The following KIF6 variants were observed in gnomAD, a reference collection of about 807,000 sequenced individuals.
The protein encoded by KIF6 is kinesin-like protein KIF6.
KIF6 carries 106 observed loss-of-function variants against 112.7 expected under a neutral mutation model. That is an observed-to-expected ratio of 0.94 (90% CI 0.80 to 1.11). KIF6 has a LOEUF of 1.11. Ranked by LOEUF, KIF6 falls within the 50% of genes least tolerant of loss-of-function variation. The pLI is 0.00. For synonymous variants in KIF6, 339 were observed against 339.9 expected (o/e 1.00, Z 0.03); for missense variants, 929 against 964.0 (o/e 0.96, Z 0.48).
At chr6:39,416,902 A>T (rs929324488) in intron 15 of KIF6, among the ~76,000 whole-genome samples, 1 of 152,118 alleles carries the variant, frequency 6.6e-6, no homozygotes, top group Non-Finnish European at 1.5e-5. Context: ...ACCCCTCGGC[A>T]TCTCAATCTT....
intron 1 of KIF6, among the ~76,000 whole-genome samples, chr6:39,721,060 C>T (rs532610981): frequency 9.9e-5 from 15 of 152,216 alleles, no homozygotes; most frequent in African/African-American, 3.6e-4. Flanking sequence ...ATCTAACATT[C>T]AAATATAAGT....
At chr6:39,474,640 T>G (rs936310071) in intron 13 of KIF6, among the ~76,000 whole-genome samples, 5 of 152,284 alleles carry the variant, frequency 3.3e-5, no homozygotes, top group Non-Finnish European at 7.3e-5. Context: ...CAGCTTCTCC[T>G]GTGAAGGAGC....
At chr6:39,539,287 C>T (rs1413570607) in intron 13 of KIF6, among the ~76,000 whole-genome samples, 1 of 151,580 alleles carries the variant, frequency 6.6e-6, no homozygotes, top group Non-Finnish European at 1.5e-5. Flanking sequence ...CCAACCCTGC[C>T]AAATGCTATT....
chr6:39,429,169 C>T (rs1303370109), intron 14 of KIF6, among the ~76,000 whole-genome samples: 1 of 152,230 alleles, frequency 6.6e-6, no homozygotes, highest in Non-Finnish European at 1.5e-5. Flanking sequence ...GGATGATAGT[C>T]TAGGCTGGGC....
At chr6:39,723,921 G>T (rs1246243004) in intron 1 of KIF6, among the ~76,000 whole-genome samples, 2 of 149,616 alleles carry the variant, frequency 1.3e-5, no homozygotes, top group Non-Finnish European at 3.0e-5. Flanking sequence ...TTCTAAAATT[G>T]AAAAAAAAAA....
At chr6:39,394,216 T>C (rs1022725139) in intron 15 of KIF6, among the ~76,000 whole-genome samples, 1 of 152,156 alleles carries the variant, frequency 6.6e-6, no homozygotes, top group African/African-American at 2.4e-5. Context: ...TGTACTTTAA[T>C]AAAGGCGCAT....
chr6:39,664,865 C>A (rs1786373816), intron 3 of KIF6, among the ~76,000 whole-genome samples: 1 of 152,066 alleles, frequency 6.6e-6, no homozygotes, highest in African/African-American at 2.4e-5. Context: ...TTTAAATATT[C>A]TCTAAAAGAT....
At chr6:39,413,124 T>C (rs1161541182) in intron 15 of KIF6, among the ~76,000 whole-genome samples, 5 of 152,184 alleles carry the variant, frequency 3.3e-5, no homozygotes, top group African/African-American at 1.2e-4. Context: ...TCAGTCTTAA[T>C]TTTCCTATAA....
intron 13 of KIF6, among the ~76,000 whole-genome samples, chr6:39,507,698 T>A (rs865938851): frequency 1.6e-5 from 2 of 121,668 alleles, no homozygotes; most frequent in Non-Finnish European, 3.4e-5. Context: ...CTACCTTCCT[T>A]CCTTCCTCCC....
intron 13 of KIF6, among the ~76,000 whole-genome samples, chr6:39,536,311 A>C (rs1233286907): frequency 6.6e-6 from 1 of 152,048 alleles, no homozygotes; most frequent in Non-Finnish European, 1.5e-5. Context: ...AATTGATAGA[A>C]CGCTAGCAAG....
intron 13 of KIF6, among the ~76,000 whole-genome samples, chr6:39,517,265 G>A (rs546926990): frequency 6.6e-6 from 1 of 152,230 alleles, no homozygotes; most frequent in East Asian, 1.9e-4. Flanking sequence ...GGATATTTTG[G>A]GCAGAGCACC....
In KIF6 at chr6:39,613,844, G is replaced by A. The variant is rs114805278; in HGVS notation, c.510-526C>T. ...TTCCCCTATTGAGTTTTCTCATCAAGGTGAATAAAAAATTTTCAAGTCTTA... is the reference window on the plus strand; with the variant it reads ...TTCCCCTATTGAGTTTTCTCATCAAAGTGAATAAAAAATTTTCAAGTCTTA... On this transcript the variant is annotated intron_variant, in intron 5 of 22. Coordinates refer to ENST00000287152, the MANE Select transcript of KIF6 (RefSeq NM_145027.6). Among the ~76,000 whole-genome samples the A allele has an allele frequency of 7.6e-4, 115 of 152,132 alleles. No individual in the cohort carries two copies. In the Middle Eastern group the frequency reaches 0.01, roughly 13 times the overall value.
At chr6:39,575,566 G>A (rs1410158906) in intron 10 of KIF6, among the ~76,000 whole-genome samples, 2 of 152,106 alleles carry the variant, frequency 1.3e-5, no homozygotes, top group Non-Finnish European at 2.9e-5. Flanking sequence ...CACCACGCCC[G>A]GCTGCTTCCT....
intron 3 of KIF6, among the ~76,000 whole-genome samples, chr6:39,695,909 A>G (rs578177211): frequency 1.1e-4 from 17 of 152,322 alleles, no homozygotes; most frequent in African/African-American, 3.4e-4. Flanking sequence ...GTGCCCATCA[A>G]CGGTGGACTG....
chr6:39,648,226 G>GTT (rs1554140765), intron 3 of KIF6, among the ~76,000 whole-genome samples: 1 of 109,060 alleles, frequency 9.2e-6, no homozygotes, highest in African/African-American at 3.5e-5. Context: ...GGGCGGGCGG[G>GTT]GGGGGGTGCC....
chr6:39,721,995 T>G (rs190907588), intron 1 of KIF6, among the ~76,000 whole-genome samples: 123 of 152,228 alleles, frequency 8.1e-4, no homozygotes, highest in African/African-American at 2.8e-3. Flanking sequence ...ATATTTTTAT[T>G]GAAACTTCTC....
intron 9 of KIF6, among the ~76,000 whole-genome samples, chr6:39,580,037 C>A (rs1361914728): frequency 6.6e-6 from 1 of 151,780 alleles, no homozygotes; most frequent in Non-Finnish European, 1.5e-5. Flanking sequence ...CAAATTCTAC[C>A]AAAGGCTCTC....
intron 3 of KIF6, 50 bp downstream of exon 3, chr6:39,714,642 G>C (rs1356737453): frequency 8.1e-7 from 1 of 1,229,242 alleles, no homozygotes; most frequent in Non-Finnish European, 1.2e-6. Flanking sequence ...GAGAATTGAA[G>C]GCAACATGAA....
At chr6:39,488,131 C>G (rs528406580) in intron 13 of KIF6, among the ~76,000 whole-genome samples, 1 of 151,812 alleles carries the variant, frequency 6.6e-6, no homozygotes, top group East Asian at 1.9e-4. Context: ...TCATTATGAC[C>G]TACGAAGTTA....
Sources: allele counts gnomAD v4.1 joint callset (sites outside exome capture counted in the v4.1 genomes callset), GRCh38; gene constraint gnomAD v4.1.1; transcripts MANE v1.5; gene names NCBI Gene and HGNC (gene_info 2026-07-23, HGNC 2026-07-21).